NRXN1: variants seen among roughly 807,000 people sequenced by gnomAD.
NRXN1 encodes the protein neurexin-1.
NRXN1 carries 39 observed loss-of-function variants against 150.9 expected under a neutral mutation model. That is an observed-to-expected ratio of 0.26 (90% confidence interval 0.20 to 0.34). NRXN1 has a LOEUF of 0.34. NRXN1 is among the 10% of genes least tolerant of loss of function. The pLI, the probability that NRXN1 is intolerant of heterozygous loss-of-function variation, is 1.00. For missense variants in NRXN1, 1,815 were observed against 1,949.9 expected (o/e 0.93, Z 1.30); for synonymous variants, 924 against 757.0 (o/e 1.22, Z -3.62).
chr2:49,975,632 A>G (rs1033483636), intron 21 of NRXN1, among the ~76,000 whole-genome samples: 2 of 152,050 alleles, frequency 1.3e-5, no homozygotes, highest in Non-Finnish European at 2.9e-5. Context: ...GTTTTTTTCT[A>G]TTTATTCAGA....
intron 18 of NRXN1, among the ~76,000 whole-genome samples, chr2:50,188,104 C>A (rs543108791): frequency 6.6e-6 from 1 of 151,992 alleles, no homozygotes; most frequent in South Asian, 2.1e-4. Flanking sequence ...GCCAGAAGTT[C>A]CAACACTATA....
intron 5 of NRXN1, among the ~76,000 whole-genome samples, chr2:50,733,284 G>A (rs1268015655): frequency 2.0e-5 from 3 of 152,092 alleles, no homozygotes; most frequent in African/African-American, 4.8e-5. Flanking sequence ...ATTCACTGAT[G>A]AATAGAAACC....
At chr2:51,010,791 C>A (rs1667727522) in intron 2 of NRXN1, among the ~76,000 whole-genome samples, 1 of 146,308 alleles carries the variant, frequency 6.8e-6, no homozygotes, top group Admixed American at 6.7e-5. Context: ...ATGGTCTTTT[C>A]TGTGCTTTTT....
chr2:50,009,649 AAT>A (rs781228950), intron 21 of NRXN1, among the ~76,000 whole-genome samples: 56 of 152,274 alleles, frequency 3.7e-4, no homozygotes, highest in Non-Finnish European at 6.6e-4. Context: ...TGGTAATTAA[AAT>A]CGTACAAAAA....
chr2:50,820,667 A>T (rs1669595428), intron 5 of NRXN1, among the ~76,000 whole-genome samples: 1 of 152,184 alleles, frequency 6.6e-6, no homozygotes, highest in Non-Finnish European at 1.5e-5. Context: ...TGTAGACAGC[A>T]GTACCTAAAG....
intron 17 of NRXN1, among the ~76,000 whole-genome samples, chr2:50,285,915 T>A (rs1476572101): frequency 6.6e-6 from 1 of 151,878 alleles, no homozygotes; most frequent in East Asian, 1.9e-4. Flanking sequence ...AATAAGGTAT[T>A]CTCAACTTTC....
At chr2:50,758,847 G>C (rs1237727722) in intron 5 of NRXN1, among the ~76,000 whole-genome samples, 1 of 151,904 alleles carries the variant, frequency 6.6e-6, no homozygotes, top group Non-Finnish European at 1.5e-5. Flanking sequence ...AGGATGACCA[G>C]GTAATGAGTG....
At chr2:50,504,773 C>A (rs1415159599) in intron 13 of NRXN1, among the ~76,000 whole-genome samples, 1 of 152,136 alleles carries the variant, frequency 6.6e-6, no homozygotes, top group African/African-American at 2.4e-5. Context: ...ATATAAACTA[C>A]TTCATCTAGA....
intron 18 of NRXN1, among the ~76,000 whole-genome samples, chr2:50,180,374 G>A (rs748251735): frequency 6.6e-5 from 10 of 152,018 alleles, no homozygotes; most frequent in Non-Finnish European, 1.5e-4. Context: ...AATCCTTGAA[G>A]CAAAACTCTC....
intron 5 of NRXN1, among the ~76,000 whole-genome samples, chr2:50,880,407 A>C (rs950774129): frequency 6.6e-6 from 1 of 151,976 alleles, no homozygotes; most frequent in Non-Finnish European, 1.5e-5. Context: ...ATTTTGTAGA[A>C]TAGTCATATG....
chr2:50,245,435 T>C (rs963448613), intron 17 of NRXN1, among the ~76,000 whole-genome samples: 2 of 151,970 alleles, frequency 1.3e-5, no homozygotes, highest in South Asian at 2.1e-4. Context: ...CCTCCAGCAG[T>C]AGGTGAACTT....
intron 12 of NRXN1, among the ~76,000 whole-genome samples, chr2:50,516,973 A>C (rs1336472245): frequency 6.6e-6 from 1 of 152,214 alleles, no homozygotes; most frequent in Admixed American, 6.5e-5. Context: ...TTAAATAGTC[A>C]TGTGCTGACC....
At chr2:50,809,515 A>T (rs1481801551) in intron 5 of NRXN1, among the ~76,000 whole-genome samples, 2 of 152,072 alleles carry the variant, frequency 1.3e-5, no homozygotes, top group African/African-American at 4.8e-5. Context: ...TTTAATTTGA[A>T]TGTCTTTCCC....
intron 19 of NRXN1, among the ~76,000 whole-genome samples, chr2:50,079,263 C>G (rs1697564227): frequency 6.6e-6 from 1 of 151,972 alleles, no homozygotes; most frequent in South Asian, 2.1e-4. Flanking sequence ...TGTCATGCTT[C>G]TCTCTCAGGG....
At chr2:50,555,529 A>C (rs181411870) in intron 8 of NRXN1, among the ~76,000 whole-genome samples, 65 of 152,284 alleles carry the variant, frequency 4.3e-4, no homozygotes, top group Admixed American at 3.5e-3. Context: ...AAGTATCTCC[A>C]CCAGAATCAA....
intron 5 of NRXN1, among the ~76,000 whole-genome samples, chr2:50,727,184 A>G (rs9677124): frequency 0.55 from 83,452 of 151,934 alleles, 23,067 homozygotes; most frequent in East Asian, 0.67. Flanking sequence ...TTATACTTAA[A>G]GAGATATAAT....
At chr2:49,922,371 T>G in intron 22 of NRXN1, 120 bp from the exon 23 acceptor site, 1 of 1,043,084 alleles carries the variant, frequency 9.6e-7, no homozygotes, top group Non-Finnish European at 1.4e-6. Context: ...AAAGGTATGC[T>G]ATTGATAAAT....
At chr2:50,499,417 C>T (rs1046900202) in intron 13 of NRXN1, among the ~76,000 whole-genome samples, 9 of 152,114 alleles carry the variant, frequency 5.9e-5, no homozygotes, top group African/African-American at 1.7e-4. Flanking sequence ...TACCATGCCT[C>T]CTGATTGTCT....
At chr2:50,380,164 T>C (rs1433226830) in intron 17 of NRXN1, among the ~76,000 whole-genome samples, 1 of 152,122 alleles carries the variant, frequency 6.6e-6, no homozygotes, top group Non-Finnish European at 1.5e-5. Context: ...ACATTGGTTT[T>C]ATGCTTTATA....
Sources: allele counts gnomAD v4.1 joint callset (sites outside exome capture counted in the v4.1 genomes callset), GRCh38; gene constraint gnomAD v4.1.1; transcripts MANE v1.5; gene names NCBI Gene and HGNC (gene_info 2026-07-23, HGNC 2026-07-21).